The following CAPN12 variants were observed in gnomAD, a reference collection of about 807,000 sequenced individuals.
The protein encoded by CAPN12 is calpain-12.
In CAPN12, 107 loss-of-function variants were observed where a neutral mutation model predicts 95.0. That is an observed-to-expected ratio of 1.13 (90% CI 0.96 to 1.32). The LOEUF (loss-of-function observed/expected upper bound fraction) is 1.32, where lower values mean the gene tolerates loss of function less well. Ranked by LOEUF, CAPN12 falls within the 40% of genes most tolerant of loss-of-function variation. The pLI is 0.00. For synonymous variants in CAPN12, 505 were observed against 415.5 expected (o/e 1.22, Z -2.62); for missense variants, 1,136 against 997.8 (o/e 1.14, Z -1.87).
chr19:38,742,110 G>T (rs771946573), intron 3 of CAPN12, 200 bp from the exon 4 acceptor site: 14 of 703,108 alleles, frequency 2.0e-5, no homozygotes, highest in Non-Finnish European at 3.3e-5. Flanking sequence ...TGGATCACGA[G>T]GTCAGGAATT....
In CAPN12 at chr19:38,731,077, C is replaced by T. The variant is rs773294799; in HGVS notation, c.2074+30G>A. The stretch of plus-strand genomic sequence containing the variant: ...CACCAGTCCCCGTACCCCTTCCCCC[C>T]ATGCCCCACCATGCCGGGGTGGTAC... On this transcript the variant is annotated intron_variant, in intron 19 of 20. Transcript: ENST00000328867. 49 of 1,093,344 alleles carry T rather than the reference C, an allele frequency of 4.5e-5. No individual in the cohort carries two copies. The East Asian group carries it at 9.9e-4, about 22-fold the overall frequency. 67.7% of individuals were successfully genotyped at this position (1,093,344 alleles called of 1,614,324 possible).
At chr19:38,737,126 C>T in intron 10 of CAPN12, 30 bp downstream of exon 10, 2 of 1,529,088 alleles carry the variant, frequency 1.3e-6, no homozygotes, top group Non-Finnish European at 1.8e-6. Context: ...TCCGGGTTCC[C>T]TCCAGCCTCA....
intron 14 of CAPN12, 192 bp downstream of exon 14, chr19:38,735,178 G>A (rs563540101): frequency 2.3e-5 from 14 of 622,102 alleles, no homozygotes; most frequent in Non-Finnish European, 3.4e-5. Flanking sequence ...TCCTGGGAGA[G>A]GGTATGGACT....
chr19:38,742,030 A>G (rs1322448757), intron 3 of CAPN12, 120 bp from the exon 4 acceptor site: 2 of 1,423,332 alleles, frequency 1.4e-6, no homozygotes, highest in East Asian at 5.0e-5. Context: ...GTTAACTATG[A>G]AATCCATATG....
chr19:38,731,094 G>A lies in CAPN12; in HGVS notation c.2074+13C>T. The A allele has an allele frequency of 6.2e-7, 1 of 1,605,650 alleles. No homozygotes were observed. Among genetic ancestry groups the A allele is most frequent in the Non-Finnish European group, 8.5e-7 (1 of 1,176,680 alleles). ...CTTCCCCCCATGCCCCACCATGCCG[G>A]GGTGGTACTCACAGAAGATGCAGGT... On this transcript the variant is annotated intron_variant, in intron 19 of 20. Transcript: ENST00000328867.
chr19:38,742,826 G>A (rs1396973024), intron 2 of CAPN12, among the ~76,000 whole-genome samples: 1 of 140,626 alleles, frequency 7.1e-6, no homozygotes, highest in Non-Finnish European at 1.5e-5. Context: ...ATTCCAGAAT[G>A]GGTGACAGAG....
chr19:38,743,209 C>A (rs1220556675), intron 1 of CAPN12, 107 bp from the exon 2 acceptor site: 1 of 1,320,966 alleles, frequency 7.6e-7, no homozygotes, highest in Admixed American at 1.8e-5. Context: ...AGCCTGTGGG[C>A]AGGAGCATGG....
chr19:38,733,834 C>T, intron 17 of CAPN12, 53 bp from the exon 18 acceptor site: 1 of 1,461,162 alleles, frequency 6.8e-7, no homozygotes, highest in Non-Finnish European at 9.6e-7. Flanking sequence ...AGAGGGCTGC[C>T]AATGGGGCCT....
rs199565432 is a variant in CAPN12, at chr19:38,744,103, G to A, written c.63C>T (p.Ala21=). ...GGCCCCGAAAAAGCTGCAGGCGCCC[G>A]GCTCCGACCCCAGCCTCCTCATCCA... ...QLVDEEAGVG[A]GRLQLFRGQS... is the part of the protein sequence containing the mutation. The change falls in exon 1 of 21, where the codon GCC becomes GCT. Residue 21 remains alanine, a synonymous_variant. Transcript: ENST00000328867. 8.5e-5 allele frequency: 138 copies of A among 1,614,142 alleles called. No homozygotes were observed. The highest frequency in any genetic ancestry group is 1.8e-4 in the Admixed American group (11 of 60,018).
In CAPN12 at chr19:38,730,540, G is replaced by A. The variant is rs1568759503; in HGVS notation, c.*312C>T. ...AATATTTTTAAGAAGGATTCCTGCAGCATCATCTTTTTTTATTTCTCCTGT... is the reference window on the plus strand; with the variant it reads ...AATATTTTTAAGAAGGATTCCTGCAACATCATCTTTTTTTATTTCTCCTGT... On this transcript the variant is annotated 3_prime_UTR_variant, in exon 21 of 21. Transcript: ENST00000328867. 8.8e-6 allele frequency: 4 copies of A among 455,216 alleles called. No homozygotes were observed. Among genetic ancestry groups the A allele is most frequent in the Non-Finnish European group, 1.2e-5 (3 of 252,998 alleles). The allele number at this position is 455,216 out of a possible 1,614,324, so 28.2% of individuals were successfully genotyped here.
In CAPN12 at chr19:38,737,491, CCCG is replaced by C; in HGVS notation, c.1110_1112del (p.Gly371del). ...AGGCCTCACCAGCATTAGGCTGGCT[CCCG>C]CCGGAGTTGAAGCCACGCACCCAGC... On this transcript the variant is annotated inframe_deletion, in exon 9 of 21. Transcript: ENST00000328867. 6.2e-7 allele frequency: 1 copy of C among 1,612,732 alleles called. No homozygotes were observed. The highest frequency in any genetic ancestry group is 2.2e-5 in the East Asian group (1 of 44,868).
At chr19:38,739,985 CCCA>C in intron 5 of CAPN12, 63 bp downstream of exon 5, 1 of 1,446,860 alleles carries the variant, frequency 6.9e-7, no homozygotes, top group South Asian at 1.5e-5. Context: ...CTCCGCCCAC[CCCA>C]CCACACCCCT....
rs531968187 is a variant in CAPN12, at chr19:38,743,789, C to A, written c.237+140G>T. The stretch of plus-strand genomic sequence containing the variant: ...AGGCCCAGCCCCTCCTCCCTCAGAC[C>A]TAAGAGTCCAGGTCTCGAGCCCCTC... On this transcript the variant is annotated intron_variant, in intron 1 of 20. Transcript: ENST00000328867. 147 of 767,618 alleles carry A rather than the reference C, an allele frequency of 1.9e-4. No individual in the cohort carries two copies. In the East Asian group the frequency reaches 4.0e-3, roughly 21 times the overall value. 47.6% of individuals were successfully genotyped at this position (767,618 alleles called of 1,614,324 possible).
In CAPN12 at chr19:38,730,805, T is replaced by C. The variant is rs1231170739; in HGVS notation, c.*47A>G. ...CAGGCAAGGCCTAGGGAGGTGGTCT[T>C]GCTCAGCAACCCTGCCCTGAGCAGC... On this transcript the variant is annotated 3_prime_UTR_variant, in exon 21 of 21. Transcript: ENST00000328867. The C allele has an allele frequency of 6.5e-7, 1 of 1,549,782 alleles. No individual in the cohort carries two copies. The highest frequency in any genetic ancestry group is 8.7e-7 in the Non-Finnish European group (1 of 1,146,768).
At position 38,733,012 on chromosome 19, in the gene CAPN12, TG is replaced by T. The variant is rs1227718706; in HGVS notation, c.1957+690del. ...GCAGAGGCCATTGGCCGGCTCTCTT[TG>T]GGGCTTTTGGTAATGAAAGCTGCAT... is the stretch of plus-strand genomic sequence containing the variant. On this transcript the variant is annotated intron_variant, in intron 18 of 20. Transcript: ENST00000328867. 4 of 152,200 alleles carry T rather than the reference TG, an allele frequency of 2.6e-5. No homozygotes were observed. The East Asian group carries it at 7.7e-4, about 29-fold the overall frequency. 9.4% of individuals were successfully genotyped at this position (152,200 alleles called of 1,614,324 possible).
intron 3 of CAPN12, chr19:38,742,154 T>A (rs913877297): frequency 1.6e-6 from 1 of 620,492 alleles, no homozygotes; most frequent in East Asian, 2.8e-5. Context: ...TGAAATACCA[T>A]CTCTACTAAA....
chr19:38,732,759 T>TC (rs138146294), intron 18 of CAPN12, among the ~76,000 whole-genome samples: 1 of 151,348 alleles, frequency 6.6e-6, no homozygotes, highest in African/African-American at 2.4e-5. Context: ...TCCCTGTGGC[T>TC]CCATCTGCTG....
At position 38,741,866 on chromosome 19, in the gene CAPN12, C is replaced by A. The variant is rs1173751878; in HGVS notation, c.471G>T (p.Arg157Ser). The A allele has an allele frequency of 2.5e-6, 4 of 1,613,960 alleles. No individual in the cohort carries two copies. The African/African-American group carries it at 4.0e-5, about 16-fold the overall frequency. The change falls in exon 4 of 21, where the codon AGG becomes AGT. Residue 157 changes from arginine to serine, a missense_variant. Arg to Ser is a moderately radical substitution (Grantham distance 110). Coordinates refer to ENST00000328867, the MANE Select transcript of CAPN12 (RefSeq NM_144691.4). ...GRWMDVVVDD[R>S]LPVREGKLMF... ...TCAGCTTCCCCTCACGCACGGGCAGCCTGTCATCCACCACGACGTCCATCC... is the reference window on the plus strand; with the variant it reads ...TCAGCTTCCCCTCACGCACGGGCAGACTGTCATCCACCACGACGTCCATCC...
At chr19:38,733,680 C>T (rs1969799105) in intron 18 of CAPN12, 23 bp downstream of exon 18, 2 of 1,609,004 alleles carry the variant, frequency 1.2e-6, no homozygotes, top group African/African-American at 1.3e-5. Context: ...GTCCCCACGA[C>T]CACCCCAGGA....
Sources: allele counts gnomAD v4.1 joint callset (sites outside exome capture counted in the v4.1 genomes callset), GRCh38; gene constraint gnomAD v4.1.1; transcripts MANE v1.5; gene names NCBI Gene and HGNC (gene_info 2026-07-23, HGNC 2026-07-21).